Variants in PIK3C2G observed in about 807,000 individuals in gnomAD.
PIK3C2G encodes the protein phosphatidylinositol-4-phosphate 3-kinase catalytic subunit type 2 gamma, also known as phosphatidylinositol 3-kinase C2 domain-containing subunit gamma.
PIK3C2G carries 168 observed loss-of-function variants against 181.1 expected under a neutral mutation model. The ratio of observed to expected loss-of-function variants is 0.93; its 90% CI spans 0.82 to 1.05. The LOEUF (loss-of-function observed/expected upper bound fraction) is 1.05, where lower values mean the gene tolerates loss of function less well. Among genes scored for constraint, PIK3C2G ranks in the 50% least tolerant of loss-of-function variants. The pLI, the probability that PIK3C2G is intolerant of heterozygous loss-of-function variation, is 0.00. For synonymous variants in PIK3C2G, 573 were observed against 592.2 expected (o/e 0.97, Z 0.47); for missense variants, 1,869 against 1,732.8 (o/e 1.08, Z -1.40).
chr12:18,594,620 A>G (rs1947257795), intron 30 of PIK3C2G, 51 bp downstream of exon 30: 1 of 933,654 alleles, frequency 1.1e-6, no homozygotes, highest in Admixed American at 2.9e-5. Context: ...AAATAATTGG[A>G]CAAAAAGATA....
chr12:18,539,423 CTTCAA>C (rs1371412760), intron 25 of PIK3C2G, among the ~76,000 whole-genome samples: 1 of 151,778 alleles, frequency 6.6e-6, no homozygotes, highest in Non-Finnish European at 1.5e-5. Context: ...ATTTAGTAGA[CTTCAA>C]TTCATTTATG....
At chr12:18,356,437 C>A (rs947086010) in intron 11 of PIK3C2G, among the ~76,000 whole-genome samples, 1 of 152,038 alleles carries the variant, frequency 6.6e-6, no homozygotes, top group Non-Finnish European at 1.5e-5. Flanking sequence ...CATGTGGCCC[C>A]GTGGCAGCAT....
At chr12:18,536,811 A>G (rs1203017083) in intron 24 of PIK3C2G, among the ~76,000 whole-genome samples, 1 of 152,068 alleles carries the variant, frequency 6.6e-6, no homozygotes, top group African/African-American at 2.4e-5. Context: ...GGCCAAATAA[A>G]AAAGGATTTT....
At chr12:18,513,082 T>A (rs1022208683) in intron 24 of PIK3C2G, among the ~76,000 whole-genome samples, 2 of 151,792 alleles carry the variant, frequency 1.3e-5, no homozygotes, top group African/African-American at 4.8e-5. Flanking sequence ...TTTTGTAAAT[T>A]TAGTGTATCA....
chr12:18,446,823 A>G (rs933161226), intron 18 of PIK3C2G, among the ~76,000 whole-genome samples: 3 of 152,176 alleles, frequency 2.0e-5, no homozygotes, highest in Non-Finnish European at 4.4e-5. Flanking sequence ...TGTTTTGTCT[A>G]CTTCTGTATA....
intron 5 of PIK3C2G, among the ~76,000 whole-genome samples, chr12:18,295,252 A>G (rs2137236929): frequency 6.6e-6 from 1 of 151,936 alleles, no homozygotes; most frequent in East Asian, 1.9e-4. Context: ...CTAGTCTGCT[A>G]CCTTCTCCCA....
At chr12:18,334,511 G>A (rs749550512) in intron 8 of PIK3C2G, among the ~76,000 whole-genome samples, 5 of 152,160 alleles carry the variant, frequency 3.3e-5, no homozygotes, top group South Asian at 2.1e-4. Context: ...CTATTAAGCT[G>A]TAGTCTTCTG....
rs115123197 is a variant in PIK3C2G at position 18,574,535 on chromosome 12, C to T, written c.4011+7478C>T. Among the ~76,000 whole-genome samples the T allele has an allele frequency of 9.1e-3, 1,384 of 152,162 alleles. 7 individuals are homozygous for T. The highest frequency in any genetic ancestry group is 0.019 in the African/African-American group (778 of 41,518). On this transcript the variant is annotated intron_variant, in intron 29 of 32. Transcript: ENST00000538779. ...AATACTAAAAACCCCCTCCTTTTTC[C>T]CTCCCCATACCACTGCCCCAATTGT... is the stretch of plus-strand genomic sequence containing the variant.
intron 18 of PIK3C2G, among the ~76,000 whole-genome samples, chr12:18,460,265 T>C (rs1216771891): frequency 6.6e-6 from 1 of 152,034 alleles, no homozygotes; most frequent in Admixed American, 6.6e-5. Flanking sequence ...AAAAGCATTG[T>C]TTTGTAGGTT....
the PIK3C2G span, among the ~76,000 whole-genome samples, chr12:18,704,403 G>A: frequency 6.6e-6 from 1 of 152,216 alleles, no homozygotes; most frequent in Middle Eastern, 3.4e-3. Context: ...TTGGCTCACT[G>A]TAACCCCCGC....
intron 18 of PIK3C2G, among the ~76,000 whole-genome samples, chr12:18,464,814 ATAAATGCAT>A (rs1370508268): frequency 2.6e-5 from 4 of 152,052 alleles, no homozygotes; most frequent in Non-Finnish European, 5.9e-5. Flanking sequence ...ACTCTGTAGT[ATAAATGCAT>A]CACAATTTAT....
At chr12:18,456,150 G>C (rs1360063369) in intron 18 of PIK3C2G, among the ~76,000 whole-genome samples, 1 of 152,074 alleles carries the variant, frequency 6.6e-6, no homozygotes, top group African/African-American at 2.4e-5. Flanking sequence ...TAAAGTTTAG[G>C]AATAAATAAA....
At chr12:18,370,050 G>A (rs560989137) in intron 12 of PIK3C2G, among the ~76,000 whole-genome samples, 21 of 150,602 alleles carry the variant, frequency 1.4e-4, no homozygotes, top group African/African-American at 3.4e-4. Flanking sequence ...TATAACGATC[G>A]TATAATTGAC....
At chr12:18,645,670 A>G (rs1319507187) in intron 32 of PIK3C2G, among the ~76,000 whole-genome samples, 3 of 152,156 alleles carry the variant, frequency 2.0e-5, no homozygotes, top group African/African-American at 7.2e-5. Flanking sequence ...AATATGTTCC[A>G]GGCTTTGTAG....
At chr12:18,702,111 A>C in the PIK3C2G span, among the ~76,000 whole-genome samples, 1 of 152,110 alleles carries the variant, frequency 6.6e-6, no homozygotes, top group Non-Finnish European at 1.5e-5. Flanking sequence ...TTGCAATGAA[A>C]ATGTTACAAC....
In PIK3C2G at chr12:18,460,118, G is replaced by T. The variant is rs111645028; in HGVS notation, c.2505-28331G>T. Among the ~76,000 whole-genome samples the T allele has an allele frequency of 2.6e-3, 390 of 152,184 alleles. 1 individual carries two copies. The highest frequency in any genetic ancestry group is 8.9e-3 in the African/African-American group (370 of 41,538). Reference sequence around the variant, plus strand: ...CATGTTATACTTATTAAGGCAGAGTGATATCGTGTTTAAGAATAATGACCC... The same window carrying T: ...CATGTTATACTTATTAAGGCAGAGTTATATCGTGTTTAAGAATAATGACCC... On this transcript the variant is annotated intron_variant, in intron 18 of 32. Transcript: ENST00000538779.
At chr12:18,661,390 A>G in the PIK3C2G span, among the ~76,000 whole-genome samples, 2 of 150,714 alleles carry the variant, frequency 1.3e-5, no homozygotes, top group East Asian at 3.9e-4. Context: ...GAGAGAGAGA[A>G]TCTTGAAAGC....
At chr12:18,490,167 A>T (rs1284118556) in intron 19 of PIK3C2G, among the ~76,000 whole-genome samples, 1 of 152,122 alleles carries the variant, frequency 6.6e-6, no homozygotes, top group East Asian at 1.9e-4. Flanking sequence ...TCTCCATGAT[A>T]TCTGCCAGGC....
the PIK3C2G span, among the ~76,000 whole-genome samples, chr12:18,657,422 A>G: frequency 6.6e-6 from 1 of 151,744 alleles, no homozygotes; most frequent in African/African-American, 2.4e-5. Context: ...TGAAAGCACA[A>G]ATGAAGACTA....
Sources: allele counts gnomAD v4.1 joint callset (sites outside exome capture counted in the v4.1 genomes callset), GRCh38; gene constraint gnomAD v4.1.1; transcripts MANE v1.5; gene names NCBI Gene and HGNC (gene_info 2026-07-23, HGNC 2026-07-21).